Variants in COL5A2 observed in about 807,000 individuals in gnomAD.
COL5A2 encodes collagen type V alpha 2 chain, also known as collagen alpha-2(V) chain.
Under a neutral mutation model 208.2 loss-of-function variants are expected in COL5A2, and 23 were observed. That is an observed-to-expected ratio of 0.11 (90% confidence interval 0.08 to 0.16). The LOEUF (loss-of-function observed/expected upper bound fraction) is 0.16. Ranked by LOEUF, COL5A2 falls within the 10% of genes least tolerant of loss-of-function variation. The pLI is 1.00. For missense variants in COL5A2, 1,590 were observed against 1,956.4 expected, an observed-to-expected ratio of 0.81 and a Z score of 3.53; for synonymous variants, 625 against 628.5, an observed-to-expected ratio of 0.99 and a Z score of 0.08.
At chr2:189,319,416 C>A in the COL5A2 span, among the ~76,000 whole-genome samples, 31 of 152,222 alleles carry the variant, frequency 2.0e-4, 1 homozygote, top group Non-Finnish European at 1.5e-5. Flanking sequence ...CCTTTCATAG[C>A]CAAGCAAAGC....
chr2:189,236,092 G>A, the COL5A2 span, among the ~76,000 whole-genome samples: 492 of 151,728 alleles, frequency 3.2e-3, 10 homozygotes, highest in Non-Finnish European at 5.9e-3. Context: ...TGCTGTTCAA[G>A]GGATTAAGTG....
the COL5A2 span, among the ~76,000 whole-genome samples, chr2:189,413,783 ATTTTTT>A: frequency 1.0e-4 from 8 of 79,194 alleles, no homozygotes; most frequent in Admixed American, 1.9e-4. Context: ...CCTTGGCGTC[ATTTTTT>A]TTTTTTTTTT....
the COL5A2 span, among the ~76,000 whole-genome samples, chr2:189,290,701 G>A: frequency 8.4e-6 from 1 of 119,104 alleles, no homozygotes; most frequent in Non-Finnish European, 1.7e-5. Flanking sequence ...TAGAAATATT[G>A]GAGGATTTTT....
chr2:189,415,612 G>A, the COL5A2 span, among the ~76,000 whole-genome samples: 7 of 152,092 alleles, frequency 4.6e-5, no homozygotes, highest in Non-Finnish European at 1.0e-4. Context: ...CTATGTTGTT[G>A]AATCATAACA....
chr2:189,313,416 C>T, the COL5A2 span, among the ~76,000 whole-genome samples: 7 of 152,190 alleles, frequency 4.6e-5, no homozygotes, highest in Admixed American at 4.6e-4. Context: ...ACCTCCAAAA[C>T]TGCCTTACAA....
the COL5A2 span, among the ~76,000 whole-genome samples, chr2:189,261,649 C>T: frequency 1.1e-4 from 16 of 152,182 alleles, no homozygotes; most frequent in African/African-American, 3.9e-4. Context: ...ATTAGATTTC[C>T]TGTTCTTTCA....
At chr2:189,241,919 CA>C in the COL5A2 span, among the ~76,000 whole-genome samples, 1 of 152,124 alleles carries the variant, frequency 6.6e-6, no homozygotes, top group South Asian at 2.1e-4. Context: ...TGGCAGGCCC[CA>C]AATGGTATCC....
the COL5A2 span, among the ~76,000 whole-genome samples, chr2:189,352,610 C>T: frequency 6.6e-5 from 10 of 152,232 alleles, no homozygotes; most frequent in East Asian, 1.7e-3. Flanking sequence ...TGAGAAGAGT[C>T]TGTTCATATC....
the COL5A2 span, among the ~76,000 whole-genome samples, chr2:189,391,527 C>T: frequency 4.6e-5 from 7 of 151,998 alleles, no homozygotes; most frequent in Non-Finnish European, 7.4e-5. Context: ...TCAGAAGAGA[C>T]GATGTGCAAA....
chr2:189,361,223 T>G, the COL5A2 span, among the ~76,000 whole-genome samples: 3 of 152,182 alleles, frequency 2.0e-5, no homozygotes, highest in African/African-American at 7.2e-5. Context: ...TCCCCTACTA[T>G]TACTGTGTTG....
intron 6 of COL5A2, among the ~76,000 whole-genome samples, chr2:189,095,550 A>G (rs1686891052): frequency 6.6e-6 from 1 of 151,862 alleles, no homozygotes; most frequent in African/African-American, 2.4e-5. Flanking sequence ...CTTATACCCA[A>G]TTCACATTGA....
At chr2:189,061,513 AG>A in intron 30 of COL5A2, 48 bp downstream of exon 30, 1 of 1,297,824 alleles carries the variant, frequency 7.7e-7, no homozygotes, top group Admixed American at 1.7e-5. Context: ...AAAAAAAAAA[AG>A]CATTTTAGTT....
the COL5A2 span, among the ~76,000 whole-genome samples, chr2:189,376,250 T>C: frequency 1.3e-5 from 2 of 152,214 alleles, no homozygotes; most frequent in African/African-American, 4.8e-5. Context: ...TATCTACATA[T>C]CCTTTTATTG....
intron 35 of COL5A2, among the ~76,000 whole-genome samples, chr2:189,054,907 G>A (rs1231733204): frequency 2.0e-5 from 3 of 149,268 alleles, no homozygotes; most frequent in Admixed American, 1.3e-4. Context: ...TTTTTGAGAC[G>A]GAGTCTCGCT....
chr2:189,311,468 T>A, the COL5A2 span: 1 of 1,075,926 alleles, frequency 9.3e-7, no homozygotes, highest in East Asian at 2.4e-5. Flanking sequence ...GGCCTCCTAT[T>A]CCTGGGCTTG....
rs771681519 is a variant in COL5A2 at position 189,066,514 on chromosome 2, G to T, written c.1456-17C>A. 2.0e-5 allele frequency: 33 copies of T among 1,611,624 alleles called. No homozygotes were observed. The highest frequency in any genetic ancestry group is 2.8e-5 in the Non-Finnish European group (33 of 1,177,756). On this transcript the variant is annotated splice_polypyrimidine_tract_variant and intron_variant, in intron 22 of 53. Transcript: ENST00000374866. Reference sequence around the variant, plus strand: ...ATGTGGCCCCTGTTAAAAACAGAAGGACAGTTACCAGAAAGACCCATCCAA... The same window carrying T: ...ATGTGGCCCCTGTTAAAAACAGAAGTACAGTTACCAGAAAGACCCATCCAA...
At chr2:189,079,793 G>A (rs763769836) in intron 14 of COL5A2, among the ~76,000 whole-genome samples, 185 bp downstream of exon 14, 9 of 152,068 alleles carry the variant, frequency 5.9e-5, no homozygotes, top group Admixed American at 1.3e-4. Flanking sequence ...ATTCTTGGAG[G>A]CATATCAAGT....
At chr2:189,271,702 T>C in the COL5A2 span, among the ~76,000 whole-genome samples, 8 of 152,058 alleles carry the variant, frequency 5.3e-5, no homozygotes, top group Admixed American at 2.0e-4. Flanking sequence ...CAAAAGAAAC[T>C]ATCAACAGAG....
chr2:189,364,580 G>A, the COL5A2 span, among the ~76,000 whole-genome samples: 12 of 151,966 alleles, frequency 7.9e-5, no homozygotes, highest in Non-Finnish European at 1.6e-4. Flanking sequence ...CCAGCTACTC[G>A]GAAGGCTGAG....
Sources: gnomAD v4.1 joint callset for allele counts (sites outside exome capture counted in the v4.1 genomes callset) on GRCh38, gnomAD v4.1.1 for gene constraint, MANE v1.5 for transcripts, NCBI Gene and HGNC (gene_info 2026-07-23, HGNC 2026-07-21) for gene names.